The following EXD3 variants were observed in gnomAD, a reference collection of about 807,000 sequenced individuals.
EXD3 encodes the protein exonuclease mut-7 homolog.
Under a neutral mutation model 98.0 loss-of-function variants are expected in EXD3, and 92 were observed. The ratio of observed to expected loss-of-function variants is 0.94; its 90% CI spans 0.79 to 1.12. The LOEUF is 1.12. EXD3 is among the 50% of genes most tolerant of loss of function. The pLI is 0.00. For synonymous variants in EXD3, 569 were observed against 526.0 expected (o/e 1.08, Z -1.12); for missense variants, 1,222 against 1,191.6 (o/e 1.03, Z -0.38).
intron 5 of EXD3, among the ~76,000 whole-genome samples, chr9:137,369,061 C>T (rs557188566): frequency 1.1e-4 from 10 of 87,436 alleles, no homozygotes; most frequent in Admixed American, 1.0e-3. Flanking sequence ...ACGCAGGACC[C>T]GGGGAGGGGG....
chr9:137,404,404 G>C (rs1290844262), intron 1 of EXD3, among the ~76,000 whole-genome samples: 1 of 152,184 alleles, frequency 6.6e-6, no homozygotes, highest in Non-Finnish European at 1.5e-5. Flanking sequence ...AGAAAACTGA[G>C]CTCAGCCAGG....
Position 137,405,985 on chromosome 9 carries a change from C to T in EXD3, c.-47-10581G>A, listed in dbSNP as rs530677279. ...CTGTAATCCCAGCCTTGTGGGAGGC[C>T]GAGGCGGGAGGATCACTTGAGCTCA... On this transcript the variant is annotated intron_variant, in intron 1 of 21. Transcript: ENST00000340951. The surrounding 1 kb of genome is among the most constrained non-coding windows in gnomAD (Gnocchi z 4.1). Among the ~76,000 whole-genome samples the T allele has an allele frequency of 2.0e-5, 3 of 151,980 alleles. No homozygotes were observed. The highest frequency in any genetic ancestry group is 6.6e-5 in the Admixed American group (1 of 15,256).
chr9:137,328,680 G>A (rs1422403212), intron 17 of EXD3, among the ~76,000 whole-genome samples: 1 of 64,774 alleles, frequency 1.5e-5, no homozygotes, highest in Non-Finnish European at 2.8e-5. Context: ...GACTACACGG[G>A]GCTACACGGG....
intron 17 of EXD3, among the ~76,000 whole-genome samples, chr9:137,336,673 A>AC (rs1451390621): frequency 6.6e-6 from 1 of 151,668 alleles, no homozygotes; most frequent in Non-Finnish European, 1.5e-5. Context: ...AAAAAAAAAA[A>AC]AAATTCTAGG....
rs561023284 is a variant in EXD3, at chr9:137,378,938, C to T, written c.120+4375G>A. Reference sequence around the variant, plus strand: ...GAATGGGGCATCTGTGTGAGGGGTACGGGGTTTGTGGGTGACGGTGACCAT... The same window carrying T: ...GAATGGGGCATCTGTGTGAGGGGTATGGGGTTTGTGGGTGACGGTGACCAT... On this transcript the variant is annotated intron_variant, in intron 3 of 21. Coordinates refer to ENST00000340951, the MANE Select transcript of EXD3 (RefSeq NM_017820.5). Among the ~76,000 whole-genome samples, 927 of 135,220 alleles carry T rather than the reference C, an allele frequency of 6.9e-3. 7 individuals carry two copies. The highest frequency in any genetic ancestry group is 0.025 in the African/African-American group (819 of 33,014). 88.7% of individuals were successfully genotyped at this position (135,220 alleles called of 152,430 possible).
chr9:137,322,142 A>T (rs1832063075), intron 19 of EXD3, among the ~76,000 whole-genome samples: 1 of 152,144 alleles, frequency 6.6e-6, no homozygotes. Context: ...CACCAAGCAG[A>T]CGCAGGCTGT....
rs1832268292 is a variant in EXD3, at chr9:137,324,325, T to A, written c.1999-182A>T. On this transcript the variant is annotated intron_variant, in intron 17 of 21. Transcript: ENST00000340951. This position sits in a 1 kb window ranked among gnomAD's most constrained non-coding sequence, Gnocchi z 4.1. Reference sequence around the variant, plus strand: ...GGAGCCCTCTGCCGGGTCCTGGGTGTCGCCTCATTGTATAGATTTAATCTT... The same window carrying A: ...GGAGCCCTCTGCCGGGTCCTGGGTGACGCCTCATTGTATAGATTTAATCTT... Among the ~76,000 whole-genome samples the A allele has an allele frequency of 6.6e-6, 1 of 152,146 alleles. No individual in the cohort carries two copies.
intron 1 of EXD3, among the ~76,000 whole-genome samples, chr9:137,418,248 T>A (rs1460117088): frequency 6.6e-6 from 1 of 152,168 alleles, no homozygotes; most frequent in Non-Finnish European, 1.5e-5. Flanking sequence ...CTCAGGAGGC[T>A]GAGGCAGGAG....
intron 8 of EXD3, among the ~76,000 whole-genome samples, chr9:137,355,499 A>AGGAGAAAGGAGGAAGGAGGAC (rs1834629271): frequency 3.6e-4 from 10 of 27,760 alleles, no homozygotes; most frequent in Admixed American, 7.3e-4. Context: ...GGATGGAGGA[A>AGGAGAAAGGAGGAAGGAGGAC]GGAGGAAGGA....
chr9:137,329,598 TACACGGGGTC>T (rs1266998234), intron 17 of EXD3, among the ~76,000 whole-genome samples: 10 of 28,206 alleles, frequency 3.5e-4, no homozygotes, highest in Non-Finnish European at 5.6e-4. Flanking sequence ...TACACGGGAC[TACACGGGGTC>T]ACACGGGACT....
At chr9:137,340,481 G>GA (rs955596262) in intron 17 of EXD3, among the ~76,000 whole-genome samples, 43 of 142,590 alleles carry the variant, frequency 3.0e-4, no homozygotes, top group Non-Finnish European at 4.9e-4. Context: ...CATCTCAAAA[G>GA]AAAAAAAAAA....
chr9:137,410,792 G>C lies in EXD3; in HGVS notation c.-48+12322C>G, dbSNP rs541184552. Among the ~76,000 whole-genome samples, 371 of 151,994 alleles carry C rather than the reference G, an allele frequency of 2.4e-3. 2 individuals are homozygous for C. Among genetic ancestry groups the C allele is most frequent in the Non-Finnish European group, 1.8e-3 (122 of 67,962 alleles). The stretch of plus-strand genomic sequence containing the variant: ...CTGTGGAGGCGACGCTGCTGAGGGC[G>C]GGGGGCAGGGCGAGGGCTGTGTCCT... On this transcript the variant is annotated intron_variant, in intron 1 of 21. Transcript: ENST00000340951.
chr9:137,320,952 C>G (rs547165409), intron 19 of EXD3, among the ~76,000 whole-genome samples: 1 of 152,212 alleles, frequency 6.6e-6, no homozygotes, highest in Non-Finnish European at 1.5e-5. Flanking sequence ...CGGTTCCTGC[C>G]GCCCCTGGAG....
At chr9:137,365,977 G>GAC (rs937407194) in intron 7 of EXD3, 3 of 520,880 alleles carry the variant, frequency 5.8e-6, no homozygotes, top group African/African-American at 2.1e-5. Flanking sequence ...CACACACAGA[G>GAC]ACACACACAT....
intron 1 of EXD3, among the ~76,000 whole-genome samples, chr9:137,420,737 A>ACCT (rs1554743327): frequency 1.8e-5 from 2 of 112,466 alleles, no homozygotes; most frequent in African/African-American, 3.1e-5. Flanking sequence ...ACAGACATTC[A>ACCT]CCCCCCCCCC....
At chr9:137,355,844 G>A (rs1031510695) in intron 8 of EXD3, among the ~76,000 whole-genome samples, 11 of 152,276 alleles carry the variant, frequency 7.2e-5, no homozygotes, top group South Asian at 2.1e-4. Context: ...GCATCTTCCC[G>A]GCCCTTGCAG....
At chr9:137,414,435 T>C (rs921950098) in intron 1 of EXD3, among the ~76,000 whole-genome samples, 2 of 152,120 alleles carry the variant, frequency 1.3e-5, no homozygotes, top group Non-Finnish European at 1.5e-5. Context: ...CATGTTTCTG[T>C]GTGGAGTGTG....
intron 19 of EXD3, among the ~76,000 whole-genome samples, chr9:137,311,307 G>T (rs901211997): frequency 7.9e-5 from 12 of 152,246 alleles, no homozygotes; most frequent in Admixed American, 1.3e-4. Flanking sequence ...TCCTGGGCAG[G>T]TGTGTGGGTG....
intron 2 of EXD3, among the ~76,000 whole-genome samples, chr9:137,386,072 G>C (rs1382679170): frequency 1.3e-5 from 2 of 151,960 alleles, no homozygotes; most frequent in African/African-American, 4.8e-5. Context: ...GAGGTGGGTG[G>C]GTCGCTTGAG....
Sources: gnomAD v4.1 joint callset for allele counts (sites outside exome capture counted in the v4.1 genomes callset) on GRCh38, gnomAD v4.1.1 for gene constraint, Gnocchi (gnomAD v3.1) non-coding constraint, MANE v1.5 for transcripts, NCBI Gene and HGNC (gene_info 2026-07-23, HGNC 2026-07-21) for gene names.